The following BAK1 variants were observed in gnomAD, a reference collection of about 807,000 sequenced individuals.
BAK1 encodes bcl-2 homologous antagonist/killer.
In BAK1, 19 loss-of-function variants were observed where a neutral mutation model predicts 24.7. That is an observed-to-expected ratio of 0.77 (90% CI 0.54 to 1.13). BAK1 has a LOEUF of 1.13. Ranked by LOEUF, BAK1 falls within the 50% of genes most tolerant of loss-of-function variation. The pLI, the probability that BAK1 is intolerant of heterozygous loss-of-function variation, is 0.00. For synonymous variants in BAK1, 86 were observed against 107.3 expected (o/e 0.80, Z 1.23); for missense variants, 194 against 279.4 (o/e 0.69, Z 2.18).
In BAK1 at chr6:33,573,539, G is replaced by A. The variant is rs547448643; in HGVS notation, c.*264C>T. 3.6e-6 allele frequency: 2 copies of A among 549,448 alleles called. No individual in the cohort carries two copies. The highest frequency in any genetic ancestry group is 6.1e-5 in the Admixed American group (2 of 32,530). 34.0% of individuals were successfully genotyped at this position (549,448 alleles called of 1,614,324 possible). ...AGTCTCCCCAGCGCCTAGCAGACAG[G>A]GCTAAGGAGGTCCCAGAGAGCTGAG... On this transcript the variant is annotated 3_prime_UTR_variant, in exon 6 of 6. Transcript: ENST00000374467.
Position 33,577,596 on chromosome 6 carries a change from C to T in BAK1, c.9G>A (p.Ser3=), listed in dbSNP as rs764966781. The stretch of plus-strand genomic sequence containing the variant: ...GCCTGGGAGGACCTGGGCCTTGCCC[C>T]GAAGCCATTTTTCAGGTCTCAGTGG... MA[S]GQGPGPPRQE... Residue 3 remains serine (S), a synonymous_variant, in exon 2 of 6, where the codon TCG becomes TCA. Coordinates refer to ENST00000374467, the MANE Select transcript of BAK1 (RefSeq NM_001188.4). This position sits in a 1 kb window ranked among gnomAD's most constrained non-coding sequence, Gnocchi z 4.6. The T allele has an allele frequency of 7.3e-5, 113 of 1,549,168 alleles. No homozygotes were observed. The highest frequency in any genetic ancestry group is 8.7e-5 in the Non-Finnish European group (100 of 1,145,326).
At position 33,573,738 on chromosome 6, in the gene BAK1, G is replaced by A. The variant is rs1424203495; in HGVS notation, c.*65C>T. ...GGGACCCCTGCAAGGGAACAGAGAA[G>A]GCAAAGACTTCGCTTAAGTCCAGGC... On this transcript the variant is annotated 3_prime_UTR_variant, in exon 6 of 6. Coordinates refer to ENST00000374467, the MANE Select transcript of BAK1 (RefSeq NM_001188.4). 1 of 1,291,262 alleles carries A rather than the reference G, an allele frequency of 7.7e-7. No individual in the cohort carries two copies. Among genetic ancestry groups the A allele is most frequent in the East Asian group, 2.4e-5 (1 of 42,204 alleles). 80.0% of individuals were successfully genotyped at this position (1,291,262 alleles called of 1,614,324 possible). A position where few individuals can be genotyped will look rare whatever the true frequency, so the allele number is the denominator to read the frequency against.
intron 4 of BAK1, chr6:33,574,485 T>A: frequency 6.8e-7 from 1 of 1,471,954 alleles, no homozygotes; most frequent in South Asian, 1.2e-5. Context: ...AGCAAGTGGA[T>A]GGAGTCAGCG....
In BAK1 at chr6:33,575,532, C is replaced by G. The variant is rs1762830177; in HGVS notation, c.207-91G>C. The G allele has an allele frequency of 6.4e-7, 1 of 1,552,758 alleles. No individual in the cohort carries two copies. Among genetic ancestry groups the G allele is most frequent in the Admixed American group, 1.7e-5 (1 of 58,604 alleles). On this transcript the variant is annotated intron_variant, in intron 3 of 5. Coordinates refer to ENST00000374467, the MANE Select transcript of BAK1 (RefSeq NM_001188.4). The surrounding 1 kb of genome is among the most constrained non-coding windows in gnomAD (Gnocchi z 6.3). The stretch of plus-strand genomic sequence containing the variant: ...GGCAGAGGGGTTCTGCCTGAGCTGT[C>G]CATGGCCCTGTGCATCCCTTCTTGG...
rs7746159 is a variant in BAK1, at chr6:33,573,108, G to A, written c.*695C>T. 2.6e-5 allele frequency: 4 copies of A among 153,214 alleles called. No homozygotes were observed. Among genetic ancestry groups the A allele is most frequent in the East Asian group, 3.8e-4 (2 of 5,302 alleles). The allele number at this position is 153,214 out of a possible 1,614,324, so 9.5% of individuals were successfully genotyped here. ...AGGCAGGCTTGGAGGCTTCTGACACGTGAGTTCAGACAGCTCTGGTCTGCG... is the reference window on the plus strand; with the variant it reads ...AGGCAGGCTTGGAGGCTTCTGACACATGAGTTCAGACAGCTCTGGTCTGCG... On this transcript the variant is annotated 3_prime_UTR_variant, in exon 6 of 6. Coordinates refer to ENST00000374467, the MANE Select transcript of BAK1 (RefSeq NM_001188.4).
Position 33,577,331 on chromosome 6 carries a change from C to T in BAK1, c.70+204G>A, listed in dbSNP as rs1162391308. Reference sequence around the variant, plus strand: ...TCACTTCCTGGCCTCTCCCAACCTCCAGGCCCTCCCCAGTCCAGACTCCTC... The same window carrying T: ...TCACTTCCTGGCCTCTCCCAACCTCTAGGCCCTCCCCAGTCCAGACTCCTC... On this transcript the variant is annotated intron_variant, in intron 2 of 5. Coordinates refer to ENST00000374467, the MANE Select transcript of BAK1 (RefSeq NM_001188.4). The surrounding 1 kb of genome is among the most constrained non-coding windows in gnomAD (Gnocchi z 4.6). Among the ~76,000 whole-genome samples, 1 of 152,188 alleles carries T rather than the reference C, an allele frequency of 6.6e-6. No individual in the cohort carries two copies. The highest frequency in any genetic ancestry group is 1.9e-4 in the East Asian group (1 of 5,182).
Position 33,575,471 on chromosome 6 carries a change from C to G in BAK1, c.207-30G>C. The G allele has an allele frequency of 3.1e-6, 5 of 1,612,482 alleles. No homozygotes were observed. The highest frequency in any genetic ancestry group is 4.2e-6 in the Non-Finnish European group (5 of 1,179,930). On this transcript the variant is annotated intron_variant, in intron 3 of 5. Transcript: ENST00000374467. This position sits in a 1 kb window ranked among gnomAD's most constrained non-coding sequence, Gnocchi z 6.3. ...AGGAGCAGGAGGCATGCAGGTGAGC[C>G]AGTAACCAGGCAGTCGGGACCAGGC...
chr6:33,576,590 G>A (rs367573450), intron 2 of BAK1, among the ~76,000 whole-genome samples: 13 of 150,388 alleles, frequency 8.6e-5, no homozygotes, highest in East Asian at 7.8e-4. Context: ...CCTAGATCAC[G>A]CCACTGCACT....
rs1286126080 is a variant in BAK1 at position 33,575,853 on chromosome 6, G to C, written c.146C>G (p.Ala49Gly). 2.5e-6 allele frequency: 4 copies of C among 1,614,042 alleles called. No individual in the cohort carries two copies. The South Asian group carries it at 4.4e-5, about 18-fold the overall frequency. Reference protein sequence around the residue: ...VFYRHQQEQEAEGVAAPADPE... With the variant: ...VFYRHQQEQEGEGVAAPADPE... ...GTCGGCAGGGGCAGCCACCCCTTCA[G>C]CCTCCTGTTCCTGCTGATGGCGGTA... The change falls in exon 3 of 6, where the codon GCT becomes GGT. Residue 49 changes from alanine (A) to glycine (G), a missense_variant. Ala to Gly is a moderately conservative substitution (Grantham distance 60). Coordinates refer to ENST00000374467, the MANE Select transcript of BAK1 (RefSeq NM_001188.4). This position sits in a 1 kb window ranked among gnomAD's most constrained non-coding sequence, Gnocchi z 6.3.
intron 2 of BAK1, among the ~76,000 whole-genome samples, chr6:33,576,800 C>A (rs1317604602): frequency 6.6e-6 from 1 of 152,114 alleles, no homozygotes; most frequent in Non-Finnish European, 1.5e-5. Context: ...GCAGGCAATC[C>A]CCAGCTGGCA....
rs965443966 is a variant in BAK1 at position 33,577,215 on chromosome 6, A to G, written c.70+320T>C. 1.3e-5 allele frequency among the ~76,000 whole-genome samples: 2 copies of G among 152,074 alleles called. No individual in the cohort carries two copies. The highest frequency in any genetic ancestry group is 4.1e-4 in the South Asian group (2 of 4,822). On this transcript the variant is annotated intron_variant, in intron 2 of 5. Transcript: ENST00000374467. The surrounding 1 kb of genome is among the most constrained non-coding windows in gnomAD (Gnocchi z 4.6). ...CTTACTTCCTTATTTCTCCCGCTGG[A>G]GGGATACAGCAGCCAGGCCCCACTC...
Position 33,575,945 on chromosome 6 carries a change from G to A in BAK1, c.71-17C>T, listed in dbSNP as rs778260832. ...CCTGCTCCTCTGAGGATCAAAGCTGGGAGTCAGGGAGAGAGGGCCGAACCC... is the reference window on the plus strand; with the variant it reads ...CCTGCTCCTCTGAGGATCAAAGCTGAGAGTCAGGGAGAGAGGGCCGAACCC... On this transcript the variant is annotated splice_polypyrimidine_tract_variant and intron_variant, in intron 2 of 5. Transcript: ENST00000374467. This position sits in a 1 kb window ranked among gnomAD's most constrained non-coding sequence, Gnocchi z 6.3. 2.0e-5 allele frequency: 33 copies of A among 1,613,862 alleles called. No homozygotes were observed. Among genetic ancestry groups the A allele is most frequent in the African/African-American group, 4.0e-5 (3 of 74,920 alleles).
In BAK1 at chr6:33,575,946, G is replaced by A. The variant is rs1338249065; in HGVS notation, c.71-18C>T. 6.2e-7 allele frequency: 1 copy of A among 1,613,976 alleles called. No homozygotes were observed. The highest frequency in any genetic ancestry group is 1.3e-5 in the African/African-American group (1 of 75,038). On this transcript the variant is annotated intron_variant, in intron 2 of 5. Coordinates refer to ENST00000374467, the MANE Select transcript of BAK1 (RefSeq NM_001188.4). The surrounding 1 kb of genome is among the most constrained non-coding windows in gnomAD (Gnocchi z 6.3). ...CTGCTCCTCTGAGGATCAAAGCTGG[G>A]AGTCAGGGAGAGAGGGCCGAACCCT... is the stretch of plus-strand genomic sequence containing the variant.
chr6:33,574,747 G>A (rs530421804), intron 4 of BAK1, among the ~76,000 whole-genome samples: 6 of 152,284 alleles, frequency 3.9e-5, no homozygotes, highest in Admixed American at 3.3e-4. Flanking sequence ...CTAACACTTT[G>A]TAAGGTGGAC....
In BAK1 at chr6:33,573,012, C is replaced by T. The variant is rs1253121538; in HGVS notation, c.*791G>A. ...CCAGGGATGGGGGTGAGAGCCTTCA[C>T]CTGTAGTGAATGGGTTGGGAGCAAG... On this transcript the variant is annotated 3_prime_UTR_variant, in exon 6 of 6. Coordinates refer to ENST00000374467, the MANE Select transcript of BAK1 (RefSeq NM_001188.4). The T allele has an allele frequency of 6.6e-6, 1 of 152,558 alleles. No individual in the cohort carries two copies. The highest frequency in any genetic ancestry group is 1.5e-5 in the Non-Finnish European group (1 of 68,030). 9.5% of individuals were successfully genotyped at this position (152,558 alleles called of 1,614,324 possible). A position where few individuals can be genotyped will look rare whatever the true frequency, so the allele number is the denominator to read the frequency against.
chr6:33,576,909 G>C (rs1762857743), intron 2 of BAK1, among the ~76,000 whole-genome samples: 1 of 152,192 alleles, frequency 6.6e-6, no homozygotes, highest in Non-Finnish European at 1.5e-5. Flanking sequence ...GGGGTCCTGA[G>C]TCTACATTAG....
chr6:33,575,259 G>A lies in BAK1; in HGVS notation c.350+39C>T. The A allele has an allele frequency of 6.2e-7, 1 of 1,614,070 alleles. No homozygotes were observed. The highest frequency in any genetic ancestry group is 1.1e-5 in the South Asian group (1 of 91,052). ...GGTATGGTATGGTTGTGACATGACAGAGGAGTGACTGGAGCTGGCAGGGAG... is the reference window on the plus strand; with the variant it reads ...GGTATGGTATGGTTGTGACATGACAAAGGAGTGACTGGAGCTGGCAGGGAG... On this transcript the variant is annotated intron_variant, in intron 4 of 5. Transcript: ENST00000374467. The surrounding 1 kb of genome is among the most constrained non-coding windows in gnomAD (Gnocchi z 6.3).
chr6:33,575,779 C>CGGTT lies in BAK1; in HGVS notation c.206+10_206+13dup. The CGGTT allele has an allele frequency of 1.2e-6, 2 of 1,611,166 alleles. No homozygotes were observed. Among genetic ancestry groups the CGGTT allele is most frequent in the African/African-American group, 2.7e-5 (2 of 74,946 alleles). ...CCTGAAGATGTCCTTGTGGGCCCAG[C>CGGTT]GGTTGTAGCTCACCTGCTAGGTTGC... On this transcript the variant is annotated intron_variant, in intron 3 of 5. Transcript: ENST00000374467. The surrounding 1 kb of genome is among the most constrained non-coding windows in gnomAD (Gnocchi z 6.3).
At position 33,575,335 on chromosome 6, in the gene BAK1, C is replaced by G. The variant is rs373619041; in HGVS notation, c.313G>C (p.Glu105Gln). The change falls in exon 4 of 6, where the codon GAG becomes CAG. Residue 105 changes from glutamate (E) to glutamine (Q), a missense_variant. Transcript: ENST00000374467. The surrounding 1 kb of genome is among the most constrained non-coding windows in gnomAD (Gnocchi z 6.3). ...TMLQHLQPTA[E>Q]NAYEYFTKIA... ...TTGGTGAAGTACTCATAGGCATTCT[C>G]TGCCGTGGGCTGCAGGTGCTGCAAC... The G allele has an allele frequency of 5.0e-6, 8 of 1,614,068 alleles. No homozygotes were observed. The African/African-American group carries it at 9.3e-5, about 19-fold the overall frequency.
Sources: allele counts gnomAD v4.1 joint callset (sites outside exome capture counted in the v4.1 genomes callset), GRCh38; gene constraint gnomAD v4.1.1; non-coding constraint Gnocchi (gnomAD v3.1); transcripts MANE v1.5; gene names NCBI Gene and HGNC (gene_info 2026-07-23, HGNC 2026-07-21).